Variants in PPP1R12A observed in about 807,000 individuals in gnomAD.
PPP1R12A encodes the protein protein phosphatase 1 regulatory subunit 12A.
Under a neutral mutation model 139.6 loss-of-function variants are expected in PPP1R12A, and 19 were observed. The observed-to-expected ratio is 0.14, with a 90% CI of 0.09 to 0.20. PPP1R12A has a LOEUF of 0.20. Ranked by LOEUF, PPP1R12A falls within the 10% of genes least tolerant of loss-of-function variation. PPP1R12A has a pLI of 1.00. For synonymous variants in PPP1R12A, 427 were observed against 420.6 expected (o/e 1.02, Z -0.19); for missense variants, 925 against 1,211.5 (o/e 0.76, Z 3.51).
chr12:79,816,194 C>A (rs907939086), intron 9 of PPP1R12A, among the ~76,000 whole-genome samples: 6 of 151,892 alleles, frequency 4.0e-5, no homozygotes, highest in Non-Finnish European at 8.8e-5. Context: ...TCCAAGTGGA[C>A]CCCTGATTTT....
chr12:79,797,494 G>A (rs559442888), intron 15 of PPP1R12A, 99 bp from the exon 16 acceptor site: 2 of 1,126,238 alleles, frequency 1.8e-6, no homozygotes, highest in South Asian at 1.6e-5. Flanking sequence ...TGCATTAAAA[G>A]TCAAATATGC....
At chr12:79,916,875 T>A (rs1290551663) in intron 1 of PPP1R12A, among the ~76,000 whole-genome samples, 9 of 152,194 alleles carry the variant, frequency 5.9e-5, no homozygotes. Flanking sequence ...AATAGCCATT[T>A]AGGCATTTTT....
rs374254512 is a variant in PPP1R12A at position 79,929,377 on chromosome 12, GTAAT to G, written c.237+5314_237+5317del. 5.2e-3 allele frequency among the ~76,000 whole-genome samples: 787 copies of G among 152,272 alleles called. 5 individuals are homozygous for G. The highest frequency in any genetic ancestry group is 0.018 in the African/African-American group (747 of 41,546). On this transcript the variant is annotated intron_variant, in intron 1 of 24. Coordinates refer to ENST00000450142, the MANE Select transcript of PPP1R12A (RefSeq NM_002480.3). ...TCTAGCTCAGACTCTTACAAAGTGA[GTAAT>G]TAATTAGTGACTCAACTGGATATAA...
intron 1 of PPP1R12A, among the ~76,000 whole-genome samples, chr12:79,924,038 C>T (rs893714373): frequency 6.6e-6 from 1 of 151,478 alleles, no homozygotes; most frequent in East Asian, 1.9e-4. Flanking sequence ...AGCAAGACTC[C>T]GTCTCAAAAA....
At chr12:79,821,056 T>C (rs767401989) in intron 7 of PPP1R12A, 22 bp downstream of exon 7, 1 of 1,596,510 alleles carries the variant, frequency 6.3e-7, no homozygotes, top group African/African-American at 1.3e-5. Flanking sequence ...AAATAACAAA[T>C]GTACTTGAAT....
At chr12:79,850,352 A>C (rs1592712693) in intron 2 of PPP1R12A, among the ~76,000 whole-genome samples, 1 of 152,332 alleles carries the variant, frequency 6.6e-6, no homozygotes, top group East Asian at 1.9e-4. Flanking sequence ...ATATTAGATA[A>C]ACAGGTGAGA....
chr12:79,821,646 A>T (rs1329600081), intron 6 of PPP1R12A, among the ~76,000 whole-genome samples: 2 of 151,772 alleles, frequency 1.3e-5, no homozygotes. Flanking sequence ...CGAGCTACTC[A>T]GGAGGCTGAG....
At chr12:79,917,009 A>AT (rs907275250) in intron 1 of PPP1R12A, among the ~76,000 whole-genome samples, 4 of 151,954 alleles carry the variant, frequency 2.6e-5, no homozygotes, top group African/African-American at 9.7e-5. Context: ...ACTTTACCAG[A>AT]TTTTTTCCCT....
At chr12:79,882,785 C>T (rs146366380) in intron 1 of PPP1R12A, among the ~76,000 whole-genome samples, 72 of 152,214 alleles carry the variant, frequency 4.7e-4, no homozygotes, top group African/African-American at 1.6e-3. Context: ...GAAACTGTCA[C>T]AGTCACTCCA....
chr12:79,828,237 C>A (rs760731623), intron 5 of PPP1R12A, 83 bp downstream of exon 5: 12 of 1,231,146 alleles, frequency 9.7e-6, no homozygotes, highest in Non-Finnish European at 1.2e-5. Context: ...TCCTTATAAC[C>A]TTTTGAGACT....
intron 2 of PPP1R12A, among the ~76,000 whole-genome samples, chr12:79,869,880 C>T (rs1352262036): frequency 6.7e-6 from 1 of 150,278 alleles, no homozygotes; most frequent in East Asian, 2.0e-4. Context: ...AGTTTCTTAC[C>T]CCCTGGGTTA....
intron 1 of PPP1R12A, among the ~76,000 whole-genome samples, chr12:79,884,483 A>G (rs1484711179): frequency 6.6e-6 from 1 of 152,178 alleles, no homozygotes; most frequent in Non-Finnish European, 1.5e-5. Context: ...AGTGGTGTAA[A>G]TTGTTCAAAC....
At chr12:79,906,361 A>G (rs1459756282) in intron 1 of PPP1R12A, among the ~76,000 whole-genome samples, 1 of 152,156 alleles carries the variant, frequency 6.6e-6, no homozygotes, top group Non-Finnish European at 1.5e-5. Flanking sequence ...AAATACACAC[A>G]AACACATAAA....
intron 1 of PPP1R12A, among the ~76,000 whole-genome samples, chr12:79,900,601 T>C (rs1440057366): frequency 6.6e-6 from 1 of 152,222 alleles, no homozygotes; most frequent in East Asian, 1.9e-4. Context: ...CAGATATATA[T>C]TTCAGTTTCT....
At chr12:79,833,820 G>A (rs531265831) in intron 3 of PPP1R12A, among the ~76,000 whole-genome samples, 27 of 140,122 alleles carry the variant, frequency 1.9e-4, no homozygotes, top group Non-Finnish European at 4.0e-4. Context: ...CTGGGCAACG[G>A]AGTGAGACTT....
At chr12:79,869,382 C>A (rs1882320068) in intron 2 of PPP1R12A, among the ~76,000 whole-genome samples, 1 of 152,152 alleles carries the variant, frequency 6.6e-6, no homozygotes, top group African/African-American at 2.4e-5. Flanking sequence ...CTAATCTAGG[C>A]TTAACTGCAC....
chr12:79,793,319 T>A (rs1464455043), intron 19 of PPP1R12A, among the ~76,000 whole-genome samples: 2 of 152,096 alleles, frequency 1.3e-5, no homozygotes, highest in African/African-American at 4.8e-5. Flanking sequence ...AGGAAAAAAA[T>A]GTCTTTTAGA....
chr12:79,836,684 G>A (rs370203192), intron 3 of PPP1R12A, among the ~76,000 whole-genome samples: 5 of 152,116 alleles, frequency 3.3e-5, no homozygotes, highest in African/African-American at 7.2e-5. Flanking sequence ...TATGTAGACC[G>A]TGCTTAGCTC....
intron 1 of PPP1R12A, among the ~76,000 whole-genome samples, chr12:79,899,628 A>G (rs1161443112): frequency 6.6e-6 from 1 of 152,114 alleles, no homozygotes; most frequent in Admixed American, 6.6e-5. Context: ...CATCCACTCC[A>G]CCACTGATAA....
Sources: gnomAD v4.1 joint callset for allele counts (sites outside exome capture counted in the v4.1 genomes callset) on GRCh38, gnomAD v4.1.1 for gene constraint, MANE v1.5 for transcripts, NCBI Gene and HGNC (gene_info 2026-07-23, HGNC 2026-07-21) for gene names.